POU3F3: variants seen among roughly 807,000 people sequenced by gnomAD.
POU3F3 encodes the protein POU domain, class 3, transcription factor 3.
In POU3F3, 1 loss-of-function variant was observed where a neutral mutation model predicts 8.6. The observed-to-expected ratio is 0.12, with a 90% CI of 0.04 to 0.55. POU3F3 has a LOEUF of 0.55. Among genes scored for constraint, POU3F3 ranks in the 20% least tolerant of loss-of-function variants. POU3F3 has a pLI of 0.91. For missense variants in POU3F3, 577 were observed against 690.7 expected (o/e 0.84, Z 1.84); for synonymous variants, 418 against 327.4 (o/e 1.28, Z -2.99).
chr2:104,879,460 C>G, the POU3F3 span, among the ~76,000 whole-genome samples: 1 of 152,006 alleles, frequency 6.6e-6, no homozygotes, highest in Non-Finnish European at 1.5e-5. Flanking sequence ...ACTTATTTTC[C>G]TATTTCTCCT....
chr2:104,873,951 G>A, the POU3F3 span, among the ~76,000 whole-genome samples: 1 of 152,206 alleles, frequency 6.6e-6, no homozygotes, highest in Non-Finnish European at 1.5e-5. Flanking sequence ...CCGGTGTCAT[G>A]CAAGCTCTCG....
downstream of POU3F3, among the ~76,000 whole-genome samples, chr2:104,861,467 G>A (rs768247462): frequency 1.3e-5 from 2 of 152,220 alleles, no homozygotes; most frequent in African/African-American, 4.8e-5. Flanking sequence ...AAGGATTAGA[G>A]CAGATGCTAT....
the POU3F3 span, among the ~76,000 whole-genome samples, chr2:104,903,210 T>C: frequency 2.0e-5 from 3 of 152,188 alleles, no homozygotes; most frequent in Non-Finnish European, 4.4e-5. Context: ...GACTAAACAA[T>C]ATAGTGTGAA....
chr2:104,853,549 T>C (rs1383048977), upstream of POU3F3: 1 of 152,546 alleles, frequency 6.6e-6, no homozygotes, highest in Admixed American at 6.5e-5. Flanking sequence ...TTGAAACCAC[T>C]GGGGACACAT....
At chr2:104,887,192 G>C in the POU3F3 span, among the ~76,000 whole-genome samples, 1 of 152,192 alleles carries the variant, frequency 6.6e-6, no homozygotes, top group Admixed American at 6.5e-5. Flanking sequence ...CTTGGTTTTG[G>C]TGGGTTTTAG....
At chr2:104,866,093 C>A in the POU3F3 span, 1 of 152,242 alleles carries the variant, frequency 6.6e-6, no homozygotes, top group East Asian at 1.9e-4. Context: ...CCAAGCACAG[C>A]TTTAAAAACG....
At chr2:104,908,909 A>G in the POU3F3 span, among the ~76,000 whole-genome samples, 1 of 152,202 alleles carries the variant, frequency 6.6e-6, no homozygotes, top group South Asian at 2.1e-4. Context: ...ACATACATGT[A>G]TATTTTAAAA....
At chr2:104,914,323 T>A in the POU3F3 span, among the ~76,000 whole-genome samples, 2 of 152,214 alleles carry the variant, frequency 1.3e-5, no homozygotes. Context: ...TGCCATTTTC[T>A]GCAAGTTCTT....
the POU3F3 span, among the ~76,000 whole-genome samples, chr2:104,926,367 T>C: frequency 6.6e-6 from 1 of 152,130 alleles, no homozygotes. Context: ...CTCATCACCA[T>C]TGATCATTAG....
At chr2:104,862,270 G>A (rs2104345068), downstream of POU3F3, among the ~76,000 whole-genome samples, 1 of 152,296 alleles carries the variant, frequency 6.6e-6, no homozygotes, top group East Asian at 1.9e-4. Context: ...AGTTGGCTCT[G>A]GAAGTGACCT....
the POU3F3 span, among the ~76,000 whole-genome samples, chr2:104,886,977 T>C: frequency 6.6e-6 from 1 of 152,124 alleles, no homozygotes; most frequent in Non-Finnish European, 1.5e-5. Context: ...GGCTACTCCA[T>C]AGACAGAGCA....
chr2:104,895,016 C>T, the POU3F3 span, among the ~76,000 whole-genome samples: 1 of 151,974 alleles, frequency 6.6e-6, no homozygotes, highest in African/African-American at 2.4e-5. Flanking sequence ...AAAATCAAAC[C>T]TCCGAGCCCA....
the POU3F3 span, chr2:104,865,597 TCG>T: frequency 2.0e-5 from 3 of 152,200 alleles, no homozygotes; most frequent in Non-Finnish European, 4.4e-5. Context: ...GCCCATTAAG[TCG>T]GCTGGAACAT....
At chr2:104,862,959 G>T (rs1266414071), downstream of POU3F3, among the ~76,000 whole-genome samples, 1 of 150,968 alleles carries the variant, frequency 6.6e-6, no homozygotes, top group Non-Finnish European at 1.5e-5. Context: ...TTCCTAAAAA[G>T]CGATGGAAAA....
the POU3F3 span, among the ~76,000 whole-genome samples, chr2:104,918,859 G>A: frequency 1.5e-3 from 228 of 151,088 alleles, 3 homozygotes; most frequent in South Asian, 0.046. Flanking sequence ...AATTTCCAGT[G>A]ACCGCTCACT....
chr2:104,856,154 C>T lies in POU3F3; in HGVS notation c.644C>T (p.Pro215Leu). Residue 215 changes from proline (P) to leucine (L), a missense_variant, in exon 1 of 1, where the codon CCG becomes CTG. By Grantham distance (98) the Pro-to-Leu change is moderately conservative. Around this residue, in one of 7 missense-constraint regions of POU3F3, gnomAD observed 484 missense variants for 422.6 expected, o/e 1.15. Coordinates refer to ENST00000361360, the MANE Select transcript of POU3F3 (RefSeq NM_006236.3). ...HLPSMAGGQQ[P>L]PPQSLLYSQP... is the part of the protein sequence containing the mutation. ...CCGTCCATGGCCGGGGGCCAGCAGC[C>T]GCCGCCGCAGAGTCTGCTCTACTCG... is the stretch of plus-strand genomic sequence containing the variant. The T allele has an allele frequency of 8.0e-7, 1 of 1,247,182 alleles. No homozygotes were observed. The highest frequency in any genetic ancestry group is 1.0e-6 in the Non-Finnish European group (1 of 994,982). 77.3% of individuals were successfully genotyped at this position (1,247,182 alleles called of 1,614,324 possible).
chr2:104,862,965 G>GA (rs1213247590), downstream of POU3F3, among the ~76,000 whole-genome samples: 1 of 150,458 alleles, frequency 6.6e-6, no homozygotes, highest in Non-Finnish European at 1.5e-5. Context: ...AAAAGCGATG[G>GA]AAAAAATAAC....
chr2:104,887,346 C>T, the POU3F3 span, among the ~76,000 whole-genome samples: 1 of 152,252 alleles, frequency 6.6e-6, no homozygotes, highest in South Asian at 2.1e-4. Flanking sequence ...TTTTACCCAG[C>T]CCCTACTCAA....
chr2:104,857,195 A>C lies in POU3F3; in HGVS notation c.*182A>C. The C allele has an allele frequency of 1.6e-6, 1 of 626,310 alleles. No homozygotes were observed. Among genetic ancestry groups the C allele is most frequent in the Non-Finnish European group, 2.0e-6 (1 of 501,046 alleles). 38.8% of individuals were successfully genotyped at this position (626,310 alleles called of 1,614,324 possible). A position where few individuals can be genotyped will look rare whatever the true frequency, so the allele number is the denominator to read the frequency against. Reference sequence around the variant, plus strand: ...CCATCCGCCGCCCTCCCCTCCACCCAGAGACAGGCATGCCCGCCCTTGGAG... The same window carrying C: ...CCATCCGCCGCCCTCCCCTCCACCCCGAGACAGGCATGCCCGCCCTTGGAG... On this transcript the variant is annotated 3_prime_UTR_variant, in exon 1 of 1. Transcript: ENST00000361360.
Sources: gnomAD v4.1 joint callset for allele counts (sites outside exome capture counted in the v4.1 genomes callset) on GRCh38, gnomAD v4.1.1 for gene constraint, gnomAD v4.1.1 regional missense constraint, MANE v1.5 for transcripts, NCBI Gene and HGNC (gene_info 2026-07-23, HGNC 2026-07-21) for gene names.